The following ADAMTS14 variants were observed in gnomAD, a reference collection of about 807,000 sequenced individuals.
The protein encoded by ADAMTS14 is A disintegrin and metalloproteinase with thrombospondin motifs 14.
In ADAMTS14, 100 loss-of-function variants were observed where a neutral mutation model predicts 128.6. That is an observed-to-expected ratio of 0.78 (90% CI 0.66 to 0.92). ADAMTS14 has a LOEUF of 0.92. Ranked by LOEUF, ADAMTS14 falls within the 40% of genes least tolerant of loss-of-function variation. The probability of loss-of-function intolerance (pLI) is 0.00; values close to 1 mark genes in which losing one functional copy is unlikely to be tolerated. For missense variants in ADAMTS14, 1,562 were observed against 1,658.6 expected (o/e 0.94, Z 1.01); for synonymous variants, 665 against 653.8 (o/e 1.02, Z -0.26).
chr10:70,759,778 G>T (rs908658456), intron 21 of ADAMTS14, among the ~76,000 whole-genome samples: 1 of 152,198 alleles, frequency 6.6e-6, no homozygotes, highest in Admixed American at 6.5e-5. Context: ...GACCCTGGCT[G>T]GAGTGGGGCC....
chr10:70,730,134 A>G lies in ADAMTS14; in HGVS notation c.987A>G (p.Ser329=), dbSNP rs1564542933. 6.2e-7 allele frequency: 1 copy of G among 1,610,762 alleles called. No individual in the cohort carries two copies. The highest frequency in any genetic ancestry group is 1.1e-5 in the South Asian group (1 of 91,042). Residue 329 remains serine, a synonymous_variant, in exon 6 of 22, where the codon TCA becomes TCG. Coordinates refer to ENST00000373207, the MANE Select transcript of ADAMTS14 (RefSeq NM_080722.4). Reference sequence around the variant, plus strand: ...GCCTGATCGAGCGCGGGAACCCCTCACGCAGCCTGGAGCAGGTGTGTCGCT... The same window carrying G: ...GCCTGATCGAGCGCGGGAACCCCTCGCGCAGCCTGGAGCAGGTGTGTCGCT... The part of the protein sequence containing the change: ...SLSLIERGNP[S]RSLEQVCRWA...
At chr10:70,693,990 G>A (rs1371529025) in intron 2 of ADAMTS14, among the ~76,000 whole-genome samples, 1 of 152,356 alleles carries the variant, frequency 6.6e-6, no homozygotes, top group South Asian at 2.1e-4. Flanking sequence ...CATCCTCCAA[G>A]AGCTCCTTCT....
chr10:70,760,410 G>C lies in ADAMTS14; in HGVS notation c.3229G>C (p.Asp1077His), dbSNP rs778072854. The C allele has an allele frequency of 6.2e-7, 1 of 1,608,316 alleles. No homozygotes were observed. Residue 1077 changes from aspartate to histidine, a missense_variant, in exon 22 of 22, where the codon GAT (aspartate) becomes CAT (histidine). Transcript: ENST00000373207. ...TGTCTTCTGCCAGATGGAAGTGCTC[G>C]ATCGCTACTGCTCCATTCCCGGCTA... ...RSVFCQMEVL[D>H]RYCSIPGYHR...
intron 4 of ADAMTS14, among the ~76,000 whole-genome samples, chr10:70,710,595 A>C (rs1436084020): frequency 1.3e-5 from 2 of 152,250 alleles, no homozygotes; most frequent in African/African-American, 4.8e-5. Context: ...CGGCACTAAG[A>C]GGAATATTAG....
intron 19 of ADAMTS14, among the ~76,000 whole-genome samples, chr10:70,757,292 C>T (rs1842499389): frequency 6.6e-6 from 1 of 152,156 alleles, no homozygotes. Context: ...CTCCTTGTAC[C>T]CGCACCCTGC....
chr10:70,731,448 G>A (rs1400579040), intron 6 of ADAMTS14, among the ~76,000 whole-genome samples: 2 of 152,138 alleles, frequency 1.3e-5, no homozygotes, highest in Admixed American at 6.5e-5. Context: ...GCTCTGTCTG[G>A]GGGGACTGCA....
In ADAMTS14 at chr10:70,730,243, C is replaced by T; in HGVS notation, c.1096C>T (p.Pro366Ser). 6.2e-7 allele frequency: 1 copy of T among 1,613,778 alleles called. No individual in the cohort carries two copies. The highest frequency in any genetic ancestry group is 8.5e-7 in the Non-Finnish European group (1 of 1,179,806). ...GTTCCTCACCCGGCAGGACTTTGGG[C>T]CCTCAGGTATGCAAGGTACTGTATT... ...VVFLTRQDFG[P>S]SGYAPVTGMC... The change falls in exon 6 of 22, where the codon CCC (proline) becomes TCC (serine). Residue 366 changes from proline to serine, a missense_variant. By Grantham distance (74) the Pro-to-Ser change is moderately conservative (BLOSUM62 -1). Transcript: ENST00000373207.
intron 16 of ADAMTS14, 47 bp downstream of exon 16, chr10:70,750,032 C>A (rs777347643): frequency 6.3e-7 from 1 of 1,596,950 alleles, no homozygotes; most frequent in East Asian, 2.2e-5. Context: ...CCCCACTTGT[C>A]CCCTTAGCTC....
chr10:70,709,323 G>T (rs1417115044), intron 4 of ADAMTS14, among the ~76,000 whole-genome samples: 2 of 152,174 alleles, frequency 1.3e-5, no homozygotes, highest in Non-Finnish European at 2.9e-5. Context: ...CTGCATTGAA[G>T]CAGAGAGCCC....
At chr10:70,722,162 C>T (rs7914626) in intron 4 of ADAMTS14, among the ~76,000 whole-genome samples, 138,241 of 152,124 alleles carry the variant, frequency 0.91, 62,980 homozygotes, top group Middle Eastern at 0.95. Flanking sequence ...GAGGAGCCTA[C>T]TGGACTCAAT....
chr10:70,680,276 T>G (rs1338086752), intron 2 of ADAMTS14, among the ~76,000 whole-genome samples: 8 of 151,092 alleles, frequency 5.3e-5, no homozygotes, highest in African/African-American at 2.0e-4. Flanking sequence ...TGGGGATGCC[T>G]GTAATCCCAG....
intron 2 of ADAMTS14, among the ~76,000 whole-genome samples, chr10:70,686,425 C>T (rs1839953883): frequency 8.9e-6 from 1 of 112,900 alleles, no homozygotes; most frequent in African/African-American, 3.4e-5. Context: ...AGGCAGAGGA[C>T]CCTGCGGCCT....
intron 2 of ADAMTS14, among the ~76,000 whole-genome samples, chr10:70,691,618 G>A (rs933805349): frequency 2.6e-5 from 4 of 151,956 alleles, no homozygotes; most frequent in Non-Finnish European, 5.9e-5. Context: ...AGCACAGAGG[G>A]ACTCCTAATA....
chr10:70,692,633 T>C (rs926250073), intron 2 of ADAMTS14, among the ~76,000 whole-genome samples: 3 of 152,232 alleles, frequency 2.0e-5, no homozygotes, highest in Non-Finnish European at 2.9e-5. Flanking sequence ...AAGGACATCA[T>C]AGAAAAGTTA....
intron 2 of ADAMTS14, among the ~76,000 whole-genome samples, chr10:70,678,375 GTGGGGA>G (rs974609260): frequency 7.9e-4 from 120 of 152,318 alleles, no homozygotes; most frequent in Middle Eastern, 3.4e-3. Context: ...CTAGAACACA[GTGGGGA>G]TGGGTGCTCA....
At chr10:70,727,497 G>A (rs1432371251) in intron 4 of ADAMTS14, among the ~76,000 whole-genome samples, 12 of 152,220 alleles carry the variant, frequency 7.9e-5, no homozygotes, top group Non-Finnish European at 1.8e-4. Context: ...GGAGGCAGAG[G>A]CTGGGTTCCA....
In ADAMTS14 at chr10:70,744,143, C is replaced by T. The variant is rs750939220; in HGVS notation, c.2136C>T (p.His712=). ...KCGVCGGDNS[H]CRTVKGTLGK... Reference sequence around the variant, plus strand: ...GAGTCTGCGGGGGTGACAACTCCCACTGCAGGACTGTGAAGGGGACGCTGG... The same window carrying T: ...GAGTCTGCGGGGGTGACAACTCCCATTGCAGGACTGTGAAGGGGACGCTGG... Residue 712 remains histidine, a synonymous_variant, in exon 14 of 22, where the codon CAC becomes CAT. Coordinates refer to ENST00000373207, the MANE Select transcript of ADAMTS14 (RefSeq NM_080722.4). 27 of 1,555,552 alleles carry T rather than the reference C, an allele frequency of 1.7e-5. No individual in the cohort carries two copies. The highest frequency in any genetic ancestry group is 1.7e-4 in the Middle Eastern group (1 of 6,008).
chr10:70,752,167 A>G lies in ADAMTS14; in HGVS notation c.2669A>G (p.His890Arg), dbSNP rs1354063538. ...HHMVQRHLCD[H>R]KKRPKPIRRR... ...ATGGTGCAGCGACACCTGTGTGACC[A>G]CAAGAAGAGGCCCAAGCCCATCCGC... is the stretch of plus-strand genomic sequence containing the variant. Residue 890 changes from histidine to arginine, a missense_variant, in exon 18 of 22, where the codon CAC (histidine) becomes CGC (arginine). By Grantham distance (29) the His-to-Arg change is conservative. Coordinates refer to ENST00000373207, the MANE Select transcript of ADAMTS14 (RefSeq NM_080722.4). The G allele has an allele frequency of 1.2e-6, 2 of 1,613,544 alleles. No individual in the cohort carries two copies. The highest frequency in any genetic ancestry group is 1.7e-6 in the Non-Finnish European group (2 of 1,179,966).
intron 11 of ADAMTS14, 61 bp from the exon 12 acceptor site, chr10:70,740,926 A>T: frequency 6.4e-7 from 1 of 1,560,134 alleles, no homozygotes; most frequent in Non-Finnish European, 8.8e-7. Context: ...TGTGTGGGAA[A>T]CCTGGCCCTC....
Sources: gnomAD v4.1 joint callset for allele counts (sites outside exome capture counted in the v4.1 genomes callset) on GRCh38, gnomAD v4.1.1 for gene constraint, MANE v1.5 for transcripts, NCBI Gene and HGNC (gene_info 2026-07-23, HGNC 2026-07-21) for gene names.